The following TTLL5 variants were observed in gnomAD, a reference collection of about 807,000 sequenced individuals.
The protein encoded by TTLL5 is tubulin polyglutamylase TTLL5.
Under a neutral mutation model 168.4 loss-of-function variants are expected in TTLL5, and 132 were observed. The observed-to-expected ratio is 0.78, with a 90% CI of 0.68 to 0.91. The LOEUF (loss-of-function observed/expected upper bound fraction) is 0.91, where lower values mean the gene tolerates loss of function less well. Among genes scored for constraint, TTLL5 ranks in the 40% least tolerant of loss-of-function variants. The probability of loss-of-function intolerance (pLI) is 0.00; values close to 1 mark genes in which losing one functional copy is unlikely to be tolerated. For synonymous variants in TTLL5, 546 were observed against 558.6 expected (o/e 0.98, Z 0.32); for missense variants, 1,545 against 1,581.5 (o/e 0.98, Z 0.39).
chr14:75,713,100 C>T (rs905140720), intron 9 of TTLL5, among the ~76,000 whole-genome samples: 5 of 152,158 alleles, frequency 3.3e-5, no homozygotes, highest in South Asian at 2.1e-4. Context: ...CTGACTCCAT[C>T]GTGTAAATTT....
At chr14:75,786,949 A>G (rs1248540440) in intron 26 of TTLL5, among the ~76,000 whole-genome samples, 4 of 152,216 alleles carry the variant, frequency 2.6e-5, no homozygotes, top group Admixed American at 2.0e-4. Flanking sequence ...CCTGGCCAAC[A>G]TGGTAAAACC....
At chr14:75,907,278 C>T (rs1006686802) in intron 31 of TTLL5, among the ~76,000 whole-genome samples, 2 of 152,182 alleles carry the variant, frequency 1.3e-5, no homozygotes, top group Admixed American at 6.5e-5. Flanking sequence ...GCTCATACAC[C>T]GAAGGCATGG....
In TTLL5 at chr14:75,782,574, G is replaced by T; in HGVS notation, c.2602+1G>T. 3 of 1,612,590 alleles carry T rather than the reference G, an allele frequency of 1.9e-6. No individual in the cohort carries two copies. Among genetic ancestry groups the T allele is most frequent in the Non-Finnish European group, 2.5e-6 (3 of 1,179,270 alleles). On this transcript the variant is annotated splice_donor_variant, in intron 25 of 31. Transcript: ENST00000298832. LOFTEE classifies it high-confidence loss of function. ...GAAATTCATTCTGATAAATTATCTC[G>T]TGAGTGATTTCAAACCTACCTAGAT...
At chr14:75,835,416 C>CT (rs1418601433) in intron 28 of TTLL5, 3 of 152,312 alleles carry the variant, frequency 2.0e-5, no homozygotes, top group Admixed American at 2.0e-4. Flanking sequence ...TCATTAGACT[C>CT]TAATATACTC....
chr14:75,922,443 G>T (rs552666052), intron 31 of TTLL5, among the ~76,000 whole-genome samples: 4 of 152,120 alleles, frequency 2.6e-5, no homozygotes, highest in African/African-American at 9.7e-5. Flanking sequence ...TAGCATGAAG[G>T]GCTGTTGAAT....
chr14:75,711,119 T>A (rs552367022), intron 9 of TTLL5: 1 of 152,320 alleles, frequency 6.6e-6, no homozygotes, highest in African/African-American at 2.4e-5. Context: ...GTGTTTTCAG[T>A]TGTCCTTATT....
At chr14:75,860,794 A>G (rs1484746451) in intron 28 of TTLL5, among the ~76,000 whole-genome samples, 8 of 152,016 alleles carry the variant, frequency 5.3e-5, no homozygotes, top group Admixed American at 1.3e-4. Flanking sequence ...GCTGTTGAGT[A>G]GTTTTGGGTG....
Position 75,744,780 on chromosome 14 carries a change from A to T in TTLL5, c.1282-315A>T, listed in dbSNP as rs118090338. On this transcript the variant is annotated intron_variant, in intron 15 of 31. Coordinates refer to ENST00000298832, the MANE Select transcript of TTLL5 (RefSeq NM_015072.5). Reference sequence around the variant, plus strand: ...TTTTTCCATATCCTTGAAATATTGGATGTGCTCTAAAACCAAGGTTTGGGT... The same window carrying T: ...TTTTTCCATATCCTTGAAATATTGGTTGTGCTCTAAAACCAAGGTTTGGGT... 1.7e-4 allele frequency: 29 copies of T among 172,658 alleles called. No individual in the cohort carries two copies. The East Asian group carries it at 4.2e-3, about 25-fold the overall frequency. The allele number at this position is 172,658 out of a possible 1,614,324, so 10.7% of individuals were successfully genotyped here.
chr14:75,874,951 T>TTTTTTTTTTTTTTTTTTTTTTTG, intron 29 of TTLL5, among the ~76,000 whole-genome samples: 1 of 144,756 alleles, frequency 6.9e-6, no homozygotes, highest in Non-Finnish European at 1.5e-5. Context: ...TTTTTTTTTT[T>TTTTTTTTTTTTTTTTTTTTTTTG]GAGACGGAGT....
intron 29 of TTLL5, among the ~76,000 whole-genome samples, chr14:75,869,821 A>ATTTTTTT (rs10658095): frequency 0.019 from 1,522 of 82,264 alleles, 296 homozygotes; most frequent in African/African-American, 0.069. Flanking sequence ...TTCAACAAGT[A>ATTTTTTT]TTTTTTTTTT....
intron 28 of TTLL5, among the ~76,000 whole-genome samples, chr14:75,845,727 C>T (rs1896509416): frequency 1.3e-5 from 2 of 152,170 alleles, no homozygotes; most frequent in Non-Finnish European, 1.5e-5. Flanking sequence ...TGTCCATGGT[C>T]ACACCTGAGG....
chr14:75,936,210 T>G (rs889557127), intron 31 of TTLL5, among the ~76,000 whole-genome samples: 1 of 152,224 alleles, frequency 6.6e-6, no homozygotes, highest in African/African-American at 2.4e-5. Flanking sequence ...GCCATGTTTT[T>G]ACAGTGGAGA....
chr14:75,836,560 G>A (rs760578068), intron 28 of TTLL5, among the ~76,000 whole-genome samples: 24 of 152,132 alleles, frequency 1.6e-4, no homozygotes, highest in Non-Finnish European at 3.1e-4. Context: ...TAATTGGACT[G>A]TATGTAACAC....
intron 18 of TTLL5, among the ~76,000 whole-genome samples, chr14:75,763,333 C>A (rs930420349): frequency 1.3e-5 from 2 of 150,176 alleles, no homozygotes; most frequent in African/African-American, 4.9e-5. Flanking sequence ...TTTTAAAGTT[C>A]ATTGATTTGC....
At chr14:75,902,855 A>G (rs564283676) in intron 31 of TTLL5, among the ~76,000 whole-genome samples, 19 of 152,226 alleles carry the variant, frequency 1.2e-4, no homozygotes, top group Non-Finnish European at 2.4e-4. Flanking sequence ...ATTATTGAGT[A>G]CCTACTCTAG....
intron 27 of TTLL5, among the ~76,000 whole-genome samples, chr14:75,812,082 C>G (rs962480300): frequency 2.0e-5 from 3 of 152,130 alleles, no homozygotes; most frequent in Non-Finnish European, 4.4e-5. Flanking sequence ...CTGCCTTATT[C>G]GGAAGATTGG....
At chr14:75,825,563 C>T (rs571160412) in intron 28 of TTLL5, among the ~76,000 whole-genome samples, 71 of 152,240 alleles carry the variant, frequency 4.7e-4, no homozygotes, top group Non-Finnish European at 1.0e-3. Context: ...TTTGGGAGAG[C>T]TTTTCTCTGG....
At position 75,669,409 on chromosome 14, in the gene TTLL5, G is replaced by GT; in HGVS notation, c.75-5dup. 3 of 1,609,570 alleles carry GT rather than the reference G, an allele frequency of 1.9e-6. No homozygotes were observed. Among genetic ancestry groups the GT allele is most frequent in the Non-Finnish European group, 2.5e-6 (3 of 1,177,246 alleles). On this transcript the variant is annotated splice_polypyrimidine_tract_variant and splice_region_variant and intron_variant, in intron 2 of 31. Coordinates refer to ENST00000298832, the MANE Select transcript of TTLL5 (RefSeq NM_015072.5). ...GTAAATTAATGAAGGCTTTTTTGTC[G>GT]TTATAGGGATCATCCATGCATCATG...
At chr14:75,827,678 C>G (rs1383883884) in intron 28 of TTLL5, among the ~76,000 whole-genome samples, 2 of 143,818 alleles carry the variant, frequency 1.4e-5, no homozygotes, top group Non-Finnish European at 3.0e-5. Context: ...ACTTCAGAGC[C>G]AATAATCAAT....
Sources: allele counts gnomAD v4.1 joint callset (sites outside exome capture counted in the v4.1 genomes callset), GRCh38; gene constraint gnomAD v4.1.1; transcripts MANE v1.5; gene names NCBI Gene and HGNC (gene_info 2026-07-23, HGNC 2026-07-21).